Variants in PCBD2 observed in about 807,000 individuals in gnomAD.
The protein encoded by PCBD2 is pterin-4-alpha-carbinolamine dehydratase 2.
PCBD2 carries 12 observed loss-of-function variants against 16.4 expected under a neutral mutation model. The observed-to-expected ratio is 0.73, with a 90% CI of 0.47 to 1.19. PCBD2 has a LOEUF of 1.19. Ranked by LOEUF, PCBD2 falls within the 50% of genes most tolerant of loss-of-function variation. The pLI is 0.00. For synonymous variants in PCBD2, 58 were observed against 61.8 expected (o/e 0.94, Z 0.29); for missense variants, 138 against 156.8 (o/e 0.88, Z 0.64).
chr5:134,936,713 G>C (rs2149536510), intron 2 of PCBD2, among the ~76,000 whole-genome samples: 1 of 152,298 alleles, frequency 6.6e-6, no homozygotes, highest in African/African-American at 2.4e-5. Flanking sequence ...TGATAAGGCT[G>C]CTTGCCAGGT....
chr5:134,944,706 C>T (rs1751270936), intron 2 of PCBD2, among the ~76,000 whole-genome samples: 1 of 152,150 alleles, frequency 6.6e-6, no homozygotes, highest in African/African-American at 2.4e-5. Context: ...GTACTGGTAC[C>T]TGTATGCTCA....
At chr5:134,941,570 A>G (rs1416001212) in intron 2 of PCBD2, among the ~76,000 whole-genome samples, 2 of 152,228 alleles carry the variant, frequency 1.3e-5, no homozygotes, top group Non-Finnish European at 1.5e-5. Context: ...ACATGAAACC[A>G]TAAAATGGTT....
chr5:134,923,737 C>T (rs1406445791), intron 2 of PCBD2: 4 of 390,182 alleles, frequency 1.0e-5, no homozygotes, highest in Non-Finnish European at 1.8e-5. Context: ...AGAAATGAGC[C>T]GTAATATAGG....
intron 2 of PCBD2, among the ~76,000 whole-genome samples, chr5:134,948,201 C>G (rs1321199282): frequency 6.6e-6 from 1 of 152,204 alleles, no homozygotes; most frequent in Non-Finnish European, 1.5e-5. Context: ...GCTAATCAGA[C>G]TGGGCAATTG....
At chr5:134,928,719 C>T (rs1211890281) in intron 2 of PCBD2, among the ~76,000 whole-genome samples, 1 of 152,144 alleles carries the variant, frequency 6.6e-6, no homozygotes, top group African/African-American at 2.4e-5. Flanking sequence ...CCTGTAGTCC[C>T]AGCTACTTGG....
At chr5:134,939,214 G>A (rs1751195514) in intron 2 of PCBD2, among the ~76,000 whole-genome samples, 1 of 152,100 alleles carries the variant, frequency 6.6e-6, no homozygotes, top group South Asian at 2.1e-4. Flanking sequence ...CTAAGGTACT[G>A]TCATCATTCA....
chr5:134,935,834 G>A (rs566880003), intron 2 of PCBD2, among the ~76,000 whole-genome samples: 8 of 152,350 alleles, frequency 5.3e-5, no homozygotes, highest in Admixed American at 1.3e-4. Flanking sequence ...GTCATGTTAA[G>A]TGTTGGCGCC....
intron 2 of PCBD2, among the ~76,000 whole-genome samples, chr5:134,922,877 C>T (rs929607318): frequency 2.6e-5 from 4 of 151,944 alleles, no homozygotes; most frequent in African/African-American, 4.8e-5. Context: ...GGGGTTTCAC[C>T]GTGTTAGCCA....
chr5:134,908,026 C>T (rs1221175987), intron 1 of PCBD2, among the ~76,000 whole-genome samples: 1 of 150,256 alleles, frequency 6.7e-6, no homozygotes, highest in African/African-American at 2.5e-5. Flanking sequence ...CTCAAGTGAT[C>T]CTCCCACCTC....
intron 2 of PCBD2, among the ~76,000 whole-genome samples, chr5:134,932,934 CCT>C (rs1357885319): frequency 6.6e-6 from 1 of 152,128 alleles, no homozygotes; most frequent in Admixed American, 6.5e-5. Context: ...ATCCACCAGG[CCT>C]CTCATTCTAA....
At chr5:134,938,233 G>A (rs1192329025) in intron 2 of PCBD2, among the ~76,000 whole-genome samples, 1 of 152,186 alleles carries the variant, frequency 6.6e-6, no homozygotes, top group East Asian at 1.9e-4. Flanking sequence ...TTTATCATAA[G>A]GCATGTCTCC....
chr5:134,934,928 A>G (rs1751141717), intron 2 of PCBD2, among the ~76,000 whole-genome samples: 1 of 152,238 alleles, frequency 6.6e-6, no homozygotes, highest in South Asian at 2.1e-4. Flanking sequence ...GATTTCCAGT[A>G]TTGTAGAAGC....
chr5:134,916,287 CA>C (rs372513274), intron 2 of PCBD2, among the ~76,000 whole-genome samples: 3 of 148,880 alleles, frequency 2.0e-5, no homozygotes, highest in South Asian at 2.1e-4. Context: ...GAGACTATCT[CA>C]AAAAAAAAAT....
Position 134,960,635 on chromosome 5 carries a change from A to G in PCBD2, c.347A>G (p.Asp116Gly), listed in dbSNP as rs752214297. 1 of 1,613,806 alleles carries G rather than the reference A, an allele frequency of 6.2e-7. No individual in the cohort carries two copies. The highest frequency in any genetic ancestry group is 1.1e-5 in the South Asian group (1 of 91,064). ...SHDCGELTKK[D>G]VKLAKFIEKA... Reference sequence around the variant, plus strand: ...GACTGTGGTGAACTGACCAAAAAAGATGTGAAGCTGGCCAAGTTTATTGAA... The same window carrying G: ...GACTGTGGTGAACTGACCAAAAAAGGTGTGAAGCTGGCCAAGTTTATTGAA... Residue 116 changes from aspartate (D) to glycine (G), a missense_variant, in exon 4 of 4, where the codon GAT (aspartate) becomes GGT (glycine). Physicochemically the swap from Asp to Gly is moderately conservative, Grantham distance 94 (BLOSUM62 -1). Transcript: ENST00000254908.
chr5:134,939,488 G>A (rs1425953187), intron 2 of PCBD2, among the ~76,000 whole-genome samples: 1 of 152,134 alleles, frequency 6.6e-6, no homozygotes, highest in African/African-American at 2.4e-5. Flanking sequence ...GCAGTCAGGA[G>A]AAAGAATGGT....
At chr5:134,936,093 C>T (rs1751156195) in intron 2 of PCBD2, among the ~76,000 whole-genome samples, 1 of 152,212 alleles carries the variant, frequency 6.6e-6, no homozygotes, top group Non-Finnish European at 1.5e-5. Context: ...TAATTAGTCA[C>T]TTAACAGTAT....
chr5:134,931,017 A>G (rs578073181), intron 2 of PCBD2, among the ~76,000 whole-genome samples: 3 of 152,170 alleles, frequency 2.0e-5, no homozygotes, highest in South Asian at 4.2e-4. Flanking sequence ...TCCCAGGTTC[A>G]CGCCATTCTC....
chr5:134,932,281 G>A (rs907652826), intron 2 of PCBD2, among the ~76,000 whole-genome samples: 1 of 151,970 alleles, frequency 6.6e-6, no homozygotes, highest in African/African-American at 2.4e-5. Flanking sequence ...GGGCTCAAGC[G>A]ATCCTCCTAC....
chr5:134,910,057 G>A (rs577090309), intron 1 of PCBD2, among the ~76,000 whole-genome samples: 2 of 152,274 alleles, frequency 1.3e-5, no homozygotes, highest in Admixed American at 6.5e-5. Flanking sequence ...GCGACAGAGC[G>A]AGACCCTGTC....
Sources: allele counts gnomAD v4.1 joint callset (sites outside exome capture counted in the v4.1 genomes callset), GRCh38; gene constraint gnomAD v4.1.1; transcripts MANE v1.5; gene names NCBI Gene and HGNC (gene_info 2026-07-23, HGNC 2026-07-21).